GHR: variants seen among roughly 807,000 people sequenced by gnomAD.
GHR encodes GH receptor.
Under a neutral mutation model 67.1 loss-of-function variants are expected in GHR, and 35 were observed. The ratio of observed to expected loss-of-function variants is 0.52; its 90% CI spans 0.40 to 0.69. GHR has a LOEUF of 0.69. GHR is among the 30% of genes least tolerant of loss of function. The probability of loss-of-function intolerance (pLI) is 0.00; values close to 1 mark genes in which losing one functional copy is unlikely to be tolerated. For synonymous variants in GHR, 272 were observed against 269.1 expected, an observed-to-expected ratio of 1.01 and a Z score of -0.10; for missense variants, 792 against 764.6, an observed-to-expected ratio of 1.04 and a Z score of -0.42.
intron 4 of GHR, among the ~76,000 whole-genome samples, chr5:42,691,924 G>T (rs1398739282): frequency 6.6e-6 from 1 of 152,240 alleles, no homozygotes; most frequent in Non-Finnish European, 1.5e-5. Context: ...GCTCTGGGAA[G>T]CATGTTCGAG....
At chr5:42,687,107 C>A (rs1757197195) in intron 3 of GHR, among the ~76,000 whole-genome samples, 1 of 152,110 alleles carries the variant, frequency 6.6e-6, no homozygotes, top group African/African-American at 2.4e-5. Context: ...CCTAGGAATA[C>A]AACTTACAAA....
chr5:42,541,415 G>A (rs1157830435), intron 1 of GHR, among the ~76,000 whole-genome samples: 1 of 152,240 alleles, frequency 6.6e-6, no homozygotes, highest in South Asian at 2.1e-4. Context: ...CAGTTTGTTG[G>A]AGCAGGATGA....
At chr5:42,457,803 A>G (rs754776827) in intron 1 of GHR, among the ~76,000 whole-genome samples, 1 of 152,164 alleles carries the variant, frequency 6.6e-6, no homozygotes, top group Non-Finnish European at 1.5e-5. Flanking sequence ...TCTTGACTTT[A>G]TCCTAGCCTA....
chr5:42,689,184 T>C (rs568376212), intron 4 of GHR, among the ~76,000 whole-genome samples, 165 bp downstream of exon 4: 10 of 152,356 alleles, frequency 6.6e-5, no homozygotes, highest in African/African-American at 2.4e-4. Flanking sequence ...GCCCATCCTA[T>C]GTGCTGAGTA....
rs897905047 is a variant in GHR at position 42,424,825 on chromosome 5, G to T, written c.-12+870G>T. Among the ~76,000 whole-genome samples the T allele has an allele frequency of 2.6e-5, 4 of 152,182 alleles. No individual in the cohort carries two copies. Among genetic ancestry groups the T allele is most frequent in the African/African-American group, 9.6e-5 (4 of 41,466 alleles). Reference sequence around the variant, plus strand: ...GAGTGCTTTATATATAGCCCGAGGGGATGCCTGCTGAGACCGAGCTGCGGG... The same window carrying T: ...GAGTGCTTTATATATAGCCCGAGGGTATGCCTGCTGAGACCGAGCTGCGGG... On this transcript the variant is annotated intron_variant, in intron 1 of 9. Coordinates refer to ENST00000230882, the MANE Select transcript of GHR (RefSeq NM_000163.5). The surrounding 1 kb of genome is among the most constrained non-coding windows in gnomAD (Gnocchi z 4.1).
intron 8 of GHR, 52 bp downstream of exon 8, chr5:42,713,571 CAT>C: frequency 2.4e-6 from 2 of 826,586 alleles, no homozygotes; most frequent in Non-Finnish European, 4.2e-6. Flanking sequence ...TTTAGATTTC[CAT>C]ATGTGTTTCT....
chr5:42,628,989 G>A, intron 2 of GHR, 49 bp from the exon 3 acceptor site: 2 of 1,036,800 alleles, frequency 1.9e-6, no homozygotes, highest in Non-Finnish European at 2.9e-6. Context: ...GGTCATATCA[G>A]ATTGTTTTGA....
intron 2 of GHR, among the ~76,000 whole-genome samples, chr5:42,621,828 C>A (rs1289568936): frequency 6.6e-6 from 1 of 152,020 alleles, no homozygotes; most frequent in African/African-American, 2.4e-5. Flanking sequence ...ATTTACTGTT[C>A]AAGTAGAGAA....
At position 42,519,374 on chromosome 5, in the gene GHR, A is replaced by T. The variant is rs35260762; in HGVS notation, c.-11-46490A>T. On this transcript the variant is annotated intron_variant, in intron 1 of 9. Coordinates refer to ENST00000230882, the MANE Select transcript of GHR (RefSeq NM_000163.5). ...CCTCAGAAAAATAGCTGCTACATTT[A>T]AAGTGTTTAGAACTAGTAAAAGAAT... 3.3e-4 allele frequency among the ~76,000 whole-genome samples: 51 copies of T among 152,346 alleles called. No individual in the cohort carries two copies. The East Asian group carries it at 9.8e-3, about 29-fold the overall frequency.
chr5:42,592,453 T>C (rs978974476), intron 2 of GHR, among the ~76,000 whole-genome samples: 3 of 152,176 alleles, frequency 2.0e-5, no homozygotes, highest in African/African-American at 7.2e-5. Context: ...TGTCTATTAT[T>C]CCCTTATTTG....
intron 2 of GHR, among the ~76,000 whole-genome samples, chr5:42,593,630 A>G (rs953330895): frequency 5.3e-5 from 8 of 152,220 alleles, no homozygotes; most frequent in African/African-American, 1.9e-4. Context: ...AAGGCAGTGC[A>G]CTGGAATGTA....
chr5:42,432,978 A>G (rs1561300243), intron 1 of GHR, among the ~76,000 whole-genome samples: 2 of 152,202 alleles, frequency 1.3e-5, no homozygotes, highest in Non-Finnish European at 2.9e-5. Flanking sequence ...GGGCAAAAGG[A>G]TGTAGATAGG....
intron 7 of GHR, among the ~76,000 whole-genome samples, chr5:42,711,786 T>A (rs1311043740): frequency 2.6e-5 from 4 of 152,126 alleles, no homozygotes; most frequent in African/African-American, 4.8e-5. Context: ...GATAGATATG[T>A]GACATCTAAG....
chr5:42,560,329 G>A (rs998551634), intron 1 of GHR, among the ~76,000 whole-genome samples: 1 of 152,096 alleles, frequency 6.6e-6, no homozygotes, highest in African/African-American at 2.4e-5. Flanking sequence ...GATCAGCTGG[G>A]ACTACAGGTG....
At chr5:42,520,098 A>C (rs1253012371) in intron 1 of GHR, among the ~76,000 whole-genome samples, 1 of 152,214 alleles carries the variant, frequency 6.6e-6, no homozygotes, top group Non-Finnish European at 1.5e-5. Context: ...CTATAGTTGG[A>C]ATATTAGTCC....
intron 6 of GHR, among the ~76,000 whole-genome samples, chr5:42,703,150 CT>C (rs1758012469): frequency 6.6e-6 from 1 of 151,902 alleles, no homozygotes; most frequent in Non-Finnish European, 1.5e-5. Flanking sequence ...TGTCATGGAG[CT>C]TTTTCCTATA....
At chr5:42,471,302 C>A (rs1290255812) in intron 1 of GHR, among the ~76,000 whole-genome samples, 2 of 152,132 alleles carry the variant, frequency 1.3e-5, no homozygotes, top group Admixed American at 1.3e-4. Context: ...CAACTCAAGG[C>A]ATCCACTCTA....
At position 42,423,470 on chromosome 5, in the gene GHR, C is replaced by T. The variant is rs1377951628; in HGVS notation, c.-497C>T. On this transcript the variant is annotated 5_prime_UTR_variant, in exon 1 of 10. Transcript: ENST00000230882. ...GAGTGACACGCACCAACTCCAGCTC[C>T]TCGCCGGGAAGACTTCATCCCAGCA... Among the ~76,000 whole-genome samples, 1 of 152,228 alleles carries T rather than the reference C, an allele frequency of 6.6e-6. No homozygotes were observed. Among genetic ancestry groups the T allele is most frequent in the Admixed American group, 6.5e-5 (1 of 15,288 alleles).
chr5:42,715,621 A>G (rs377550985), intron 8 of GHR, among the ~76,000 whole-genome samples: 13 of 152,240 alleles, frequency 8.5e-5, no homozygotes, highest in African/African-American at 3.1e-4. Flanking sequence ...TAACTGAATC[A>G]GCCTAAAATA....
Sources: gnomAD v4.1 joint callset for allele counts (sites outside exome capture counted in the v4.1 genomes callset) on GRCh38, gnomAD v4.1.1 for gene constraint, Gnocchi (gnomAD v3.1) non-coding constraint, MANE v1.5 for transcripts, NCBI Gene and HGNC (gene_info 2026-07-23, HGNC 2026-07-21) for gene names.